Variants in RIC1 observed in about 807,000 individuals in gnomAD.
RIC1 encodes the protein guanine nucleotide exchange factor subunit RIC1.
In RIC1, 88 loss-of-function variants were observed where a neutral mutation model predicts 169.0. That is an observed-to-expected ratio of 0.52 (90% confidence interval 0.44 to 0.62). The LOEUF (loss-of-function observed/expected upper bound fraction) is 0.62. RIC1 is among the 20% of genes least tolerant of loss of function. RIC1 has a pLI of 0.00. For missense variants in RIC1, 1,877 were observed against 1,725.5 expected, an observed-to-expected ratio of 1.09 and a Z score of -1.56; for synonymous variants, 790 against 601.5, an observed-to-expected ratio of 1.31 and a Z score of -4.59.
At chr9:5,679,146 G>C (rs1461089044) in intron 2 of RIC1, among the ~76,000 whole-genome samples, 2 of 152,218 alleles carry the variant, frequency 1.3e-5, no homozygotes, top group Non-Finnish European at 2.9e-5. Context: ...TCCAAGATCA[G>C]ATAGTTGTAG....
intron 2 of RIC1, among the ~76,000 whole-genome samples, chr9:5,666,869 G>A (rs1819802883): frequency 1.3e-5 from 2 of 152,030 alleles, no homozygotes; most frequent in African/African-American, 4.8e-5. Flanking sequence ...AGTTTCATCT[G>A]GCTTGTCTGA....
In RIC1 at chr9:5,770,373, G is replaced by A. The variant is rs1055936624; in HGVS notation, c.3616+95G>A. 89 of 1,105,712 alleles carry A rather than the reference G, an allele frequency of 8.0e-5. No homozygotes were observed. In the East Asian group the frequency reaches 1.5e-3, roughly 18 times the overall value. 68.5% of individuals were successfully genotyped at this position (1,105,712 alleles called of 1,614,324 possible). On this transcript the variant is annotated intron_variant, in intron 23 of 25. Transcript: ENST00000414202. The stretch of plus-strand genomic sequence containing the variant: ...GATAGACCTTCATTCTTTTTCTATC[G>A]TGATGGAGGATTAACCATTTGTATC...
chr9:5,740,253 T>C (rs1453315331), intron 8 of RIC1, among the ~76,000 whole-genome samples: 1 of 152,156 alleles, frequency 6.6e-6, no homozygotes, highest in Admixed American at 6.5e-5. Flanking sequence ...TAACTCTATA[T>C]AAACAGTTCA....
At position 5,769,043 on chromosome 9, in the gene RIC1, T is replaced by A. The variant is rs61744828; in HGVS notation, c.3211T>A (p.Leu1071Ile). ...MMLWRHARRL[L>I]EDVRLKDLGC... ...GCTCTGGAGACATGCTCGGCGCCTC[T>A]TAGAAGATGTGAGGTTAAAGGACCT... Residue 1071 changes from leucine (L) to isoleucine (I), a missense_variant, in exon 22 of 26, where the codon TTA becomes ATA. Around this residue, in one of 3 missense-constraint regions of RIC1, gnomAD observed 681 missense variants for 582.0 expected, o/e 1.17. Transcript: ENST00000414202. 1 of 1,614,100 alleles carries A rather than the reference T, an allele frequency of 6.2e-7. No individual in the cohort carries two copies. The highest frequency in any genetic ancestry group is 1.3e-5 in the African/African-American group (1 of 75,050).
intron 1 of RIC1, among the ~76,000 whole-genome samples, chr9:5,653,086 G>C (rs1179646779): frequency 6.6e-6 from 1 of 152,136 alleles, no homozygotes; most frequent in African/African-American, 2.4e-5. Context: ...AATTTGGTTT[G>C]CTACCATTTT....
At chr9:5,674,608 G>A (rs752670441) in intron 2 of RIC1, among the ~76,000 whole-genome samples, 12 of 152,126 alleles carry the variant, frequency 7.9e-5, no homozygotes, top group Admixed American at 7.2e-4. Context: ...CAGATAAAAG[G>A]TTAGGTTACC....
chr9:5,772,651 T>C lies in RIC1; in HGVS notation c.3704T>C (p.Phe1235Ser). ...DGDWTMVDEN[F>S]STLSLTQSEL... ...GACTGGACAATGGTGGATGAAAATTTCTCTACACTCAGTTTAACTCAGTCA... is the reference window on the plus strand; with the variant it reads ...GACTGGACAATGGTGGATGAAAATTCCTCTACACTCAGTTTAACTCAGTCA... Residue 1235 changes from phenylalanine (F) to serine (S), a missense_variant, in exon 24 of 26, where the codon TTC becomes TCC. Transcript: ENST00000414202. 2 of 1,613,978 alleles carry C rather than the reference T, an allele frequency of 1.2e-6. No individual in the cohort carries two copies. The highest frequency in any genetic ancestry group is 1.7e-6 in the Non-Finnish European group (2 of 1,179,928).
chr9:5,689,273 G>T (rs1245641518), intron 2 of RIC1, among the ~76,000 whole-genome samples: 1 of 151,872 alleles, frequency 6.6e-6, no homozygotes, highest in African/African-American at 2.4e-5. Context: ...GAATGGTCTT[G>T]ATCTCCTGAC....
chr9:5,684,832 T>G (rs1821112388), intron 2 of RIC1, among the ~76,000 whole-genome samples: 1 of 152,198 alleles, frequency 6.6e-6, no homozygotes, highest in African/African-American at 2.4e-5. Flanking sequence ...GATATGGAAG[T>G]TTCCCATTTC....
At chr9:5,674,397 CAA>C (rs1347798930) in intron 2 of RIC1, among the ~76,000 whole-genome samples, 1 of 152,076 alleles carries the variant, frequency 6.6e-6, no homozygotes, top group Non-Finnish European at 1.5e-5. Context: ...AGCATTTACT[CAA>C]TATATTTAAT....
At chr9:5,762,385 T>C (rs1420797873) in intron 17 of RIC1, among the ~76,000 whole-genome samples, 156 bp from the exon 18 acceptor site, 1 of 152,244 alleles carries the variant, frequency 6.6e-6, no homozygotes, top group East Asian at 1.9e-4. Flanking sequence ...AGAAAGCTCC[T>C]TATATTCCCA....
chr9:5,652,715 T>C (rs1818872628), intron 1 of RIC1, among the ~76,000 whole-genome samples: 1 of 152,184 alleles, frequency 6.6e-6, no homozygotes, highest in Admixed American at 6.5e-5. Flanking sequence ...CTTGCCTAAT[T>C]GCTCTGGCTA....
At chr9:5,682,636 C>G (rs1016480484) in intron 2 of RIC1, among the ~76,000 whole-genome samples, 1 of 152,084 alleles carries the variant, frequency 6.6e-6, no homozygotes, top group Admixed American at 6.5e-5. Flanking sequence ...AATTATGTGT[C>G]TTGGAGTTGC....
At chr9:5,702,878 C>T (rs761942181) in intron 3 of RIC1, among the ~76,000 whole-genome samples, 13 of 152,104 alleles carry the variant, frequency 8.5e-5, no homozygotes, top group Non-Finnish European at 1.5e-4. Context: ...CCAGATCTCA[C>T]GATAACTTAC....
At chr9:5,658,681 A>G (rs1405694679) in intron 2 of RIC1, among the ~76,000 whole-genome samples, 1 of 152,158 alleles carries the variant, frequency 6.6e-6, no homozygotes, top group Non-Finnish European at 1.5e-5. Context: ...GGACAGATTT[A>G]CAAAGTTTGT....
At chr9:5,645,319 A>G (rs967737823) in intron 1 of RIC1, among the ~76,000 whole-genome samples, 9 of 152,212 alleles carry the variant, frequency 5.9e-5, no homozygotes, top group Admixed American at 2.6e-4. Flanking sequence ...AATTACAAGT[A>G]TTAGCCATGA....
chr9:5,746,186 T>C, intron 11 of RIC1, 103 bp downstream of exon 11: 1 of 736,704 alleles, frequency 1.4e-6, no homozygotes, highest in African/African-American at 1.8e-5. Context: ...ATTGGCATAT[T>C]ATCTTCTTTT....
intron 2 of RIC1, 135 bp from the exon 3 acceptor site, chr9:5,689,824 A>G: frequency 1.7e-6 from 1 of 578,164 alleles, no homozygotes; most frequent in Non-Finnish European, 3.0e-6. Flanking sequence ...TATTTGCATA[A>G]TTAGGCTATA....
At position 5,745,411 on chromosome 9, in the gene RIC1, C is replaced by A. The variant is rs1300985438; in HGVS notation, c.1096-520C>A. On this transcript the variant is annotated intron_variant, in intron 10 of 25. Transcript: ENST00000414202. ...CCTTCTCATTTTACAGAGGAAGAAA[C>A]TTATATCCCGAGAAACGAGACAGCT... is the stretch of plus-strand genomic sequence containing the variant. Among the ~76,000 whole-genome samples, 2 of 152,098 alleles carry A rather than the reference C, an allele frequency of 1.3e-5. 1 individual carries two copies. The highest frequency in any genetic ancestry group is 2.9e-5 in the Non-Finnish European group (2 of 68,008).
Sources: gnomAD v4.1 joint callset for allele counts (sites outside exome capture counted in the v4.1 genomes callset) on GRCh38, gnomAD v4.1.1 for gene constraint, gnomAD v4.1.1 regional missense constraint, MANE v1.5 for transcripts, NCBI Gene and HGNC (gene_info 2026-07-23, HGNC 2026-07-21) for gene names.